HMGCLL1: variants seen among roughly 807,000 people sequenced by gnomAD.
HMGCLL1 encodes the protein 3-hydroxymethyl-3-methylglutaryl-CoA lyase, cytoplasmic.
Under a neutral mutation model 39.1 loss-of-function variants are expected in HMGCLL1, and 36 were observed. The ratio of observed to expected loss-of-function variants is 0.92; its 90% CI spans 0.71 to 1.22. HMGCLL1 has a LOEUF of 1.22. Ranked by LOEUF, HMGCLL1 falls within the 50% of genes most tolerant of loss-of-function variation. The pLI is 0.00. For missense variants in HMGCLL1, 451 were observed against 416.5 expected (o/e 1.08, Z -0.72); for synonymous variants, 149 against 144.0 (o/e 1.03, Z -0.25).
intron 6 of HMGCLL1, among the ~76,000 whole-genome samples, chr6:55,497,765 C>T (rs1307864369): frequency 6.6e-6 from 1 of 152,074 alleles, no homozygotes; most frequent in Admixed American, 6.6e-5. Flanking sequence ...GAAGGAAGGA[C>T]CTGAGAAGAA....
intron 1 of HMGCLL1, among the ~76,000 whole-genome samples, chr6:55,555,929 G>T (rs1014607068): frequency 8.5e-5 from 13 of 152,096 alleles, no homozygotes; most frequent in African/African-American, 3.1e-4. Flanking sequence ...GTTCTTTTGG[G>T]CAGGATGAGG....
At chr6:55,609,610 G>A in the HMGCLL1 span, among the ~76,000 whole-genome samples, 1 of 151,534 alleles carries the variant, frequency 6.6e-6, no homozygotes, top group African/African-American at 2.4e-5. Context: ...AAGCTCTGAG[G>A]AAGCTGGGCA....
At chr6:55,598,005 A>G in the HMGCLL1 span, among the ~76,000 whole-genome samples, 2 of 152,212 alleles carry the variant, frequency 1.3e-5, no homozygotes, top group African/African-American at 4.8e-5. Context: ...AATTTGGACT[A>G]GTGAGTGAAA....
At chr6:55,606,915 A>C in the HMGCLL1 span, among the ~76,000 whole-genome samples, 575 of 152,224 alleles carry the variant, frequency 3.8e-3, 4 homozygotes, top group African/African-American at 0.013. Flanking sequence ...AGAGAGAGAA[A>C]GAGAGAGAGG....
the HMGCLL1 span, among the ~76,000 whole-genome samples, chr6:55,658,573 G>T: frequency 6.6e-6 from 1 of 151,748 alleles, no homozygotes; most frequent in East Asian, 1.9e-4. Context: ...TCTAAAGAAG[G>T]TTAATGAATA....
chr6:55,678,179 T>A, the HMGCLL1 span, among the ~76,000 whole-genome samples: 1 of 152,166 alleles, frequency 6.6e-6, no homozygotes, highest in East Asian at 1.9e-4. Flanking sequence ...GAGCTATGGG[T>A]GAGGTCATAT....
chr6:55,591,513 T>C, the HMGCLL1 span, among the ~76,000 whole-genome samples: 2 of 151,910 alleles, frequency 1.3e-5, no homozygotes, highest in Admixed American at 1.3e-4. Flanking sequence ...TATAAAAACA[T>C]CTATGTATTG....
chr6:55,601,812 T>A, the HMGCLL1 span, among the ~76,000 whole-genome samples: 3 of 152,178 alleles, frequency 2.0e-5, no homozygotes, highest in Admixed American at 2.0e-4. Flanking sequence ...ATAATGTTAA[T>A]TTCACATATT....
chr6:55,516,046 T>C (rs1455090144), intron 4 of HMGCLL1, among the ~76,000 whole-genome samples: 1 of 151,808 alleles, frequency 6.6e-6, no homozygotes, highest in Non-Finnish European at 1.5e-5. Flanking sequence ...AGAAGATAAA[T>C]AGGGAAAGTA....
At chr6:55,552,569 C>G (rs1297924662) in intron 1 of HMGCLL1, among the ~76,000 whole-genome samples, 2 of 151,936 alleles carry the variant, frequency 1.3e-5, no homozygotes, top group Non-Finnish European at 2.9e-5. Flanking sequence ...TGTGGTAAAG[C>G]CACATATAGT....
intron 7 of HMGCLL1, among the ~76,000 whole-genome samples, chr6:55,462,810 A>G (rs1318963613): frequency 6.6e-6 from 1 of 152,138 alleles, no homozygotes; most frequent in South Asian, 2.1e-4. Flanking sequence ...TATTGCTGCT[A>G]TACATTTCAG....
At chr6:55,571,555 C>T (rs1216484957) in intron 1 of HMGCLL1, among the ~76,000 whole-genome samples, 1 of 152,018 alleles carries the variant, frequency 6.6e-6, no homozygotes, top group African/African-American at 2.4e-5. Flanking sequence ...CCTGTAATCC[C>T]AGCACTTTGG....
At chr6:55,542,244 G>A in intron 1 of HMGCLL1, 104 bp from the exon 2 acceptor site, 1 of 595,844 alleles carries the variant, frequency 1.7e-6, no homozygotes, top group Non-Finnish European at 2.9e-6. Flanking sequence ...TTACCCCAGA[G>A]AATTAAAATA....
chr6:55,618,653 G>A, the HMGCLL1 span, among the ~76,000 whole-genome samples: 1 of 151,980 alleles, frequency 6.6e-6, no homozygotes, highest in Non-Finnish European at 1.5e-5. Flanking sequence ...AGCTTACAGA[G>A]AGAAGAGGAA....
intron 3 of HMGCLL1, among the ~76,000 whole-genome samples, chr6:55,533,386 A>C (rs1768803272): frequency 6.6e-6 from 1 of 152,130 alleles, no homozygotes; most frequent in Non-Finnish European, 1.5e-5. Context: ...AACATTTAAC[A>C]CGGCAACTTA....
the HMGCLL1 span, among the ~76,000 whole-genome samples, chr6:55,586,232 C>T: frequency 3.3e-5 from 5 of 151,864 alleles, no homozygotes; most frequent in Non-Finnish European, 2.9e-5. Context: ...GTAGGTTTCT[C>T]GTTTAACTAT....
chr6:55,516,776 T>G (rs9464253), intron 3 of HMGCLL1, among the ~76,000 whole-genome samples, 173 bp from the exon 4 acceptor site: 104,752 of 151,962 alleles, frequency 0.69, 36,141 homozygotes, highest in Admixed American at 0.73. Flanking sequence ...TCTCATAGAC[T>G]TATAATAAGT....
the HMGCLL1 span, among the ~76,000 whole-genome samples, chr6:55,585,999 A>T: frequency 6.6e-6 from 1 of 152,148 alleles, no homozygotes; most frequent in Non-Finnish European, 1.5e-5. Context: ...ACAAAACATT[A>T]TAGTAGAATT....
chr6:55,663,919 T>C, the HMGCLL1 span, among the ~76,000 whole-genome samples: 1 of 151,932 alleles, frequency 6.6e-6, no homozygotes, highest in African/African-American at 2.4e-5. Context: ...TTTACCATTA[T>C]GTAATGCCCT....
Sources: gnomAD v4.1 joint callset for allele counts (sites outside exome capture counted in the v4.1 genomes callset) on GRCh38, gnomAD v4.1.1 for gene constraint, MANE v1.5 for transcripts, NCBI Gene and HGNC (gene_info 2026-07-23, HGNC 2026-07-21) for gene names.